NETO1: variants seen among roughly 807,000 people sequenced by gnomAD.
NETO1 encodes neuropilin and tolloid like 1, also known as neuropilin and tolloid-like protein 1.
NETO1 carries 26 observed loss-of-function variants against 61.3 expected under a neutral mutation model. The observed-to-expected ratio is 0.42, with a 90% CI of 0.31 to 0.59. NETO1 has a LOEUF of 0.59. NETO1 is among the 20% of genes least tolerant of loss of function. NETO1 has a pLI of 0.12. For synonymous variants in NETO1, 225 were observed against 225.8 expected (o/e 1.00, Z 0.03); for missense variants, 531 against 662.8 (o/e 0.80, Z 2.18).
intron 7 of NETO1, among the ~76,000 whole-genome samples, chr18:72,777,616 G>A (rs1226117743): frequency 6.6e-6 from 1 of 151,582 alleles, no homozygotes; most frequent in African/African-American, 2.4e-5. Context: ...GGTGGCGGGT[G>A]CCTGTAGTCC....
intron 7 of NETO1, among the ~76,000 whole-genome samples, chr18:72,780,359 G>C (rs1300833637): frequency 6.6e-6 from 1 of 152,148 alleles, no homozygotes; most frequent in Non-Finnish European, 1.5e-5. Context: ...ATGACTTCTA[G>C]AGATAATTTA....
At chr18:72,819,352 CT>C (rs2073123109) in intron 4 of NETO1, among the ~76,000 whole-genome samples, 1 of 152,090 alleles carries the variant, frequency 6.6e-6, no homozygotes, top group South Asian at 2.1e-4. Context: ...TCTGCCTTTC[CT>C]TGTGTTACAA....
At chr18:72,762,479 T>C (rs899287838) in intron 7 of NETO1, among the ~76,000 whole-genome samples, 2 of 152,154 alleles carry the variant, frequency 1.3e-5, no homozygotes, top group Admixed American at 6.5e-5. Context: ...TTTCCATATA[T>C]ACTTTTATGT....
At chr18:72,760,506 CT>C in intron 7 of NETO1, among the ~76,000 whole-genome samples, 1 of 152,284 alleles carries the variant, frequency 6.6e-6, no homozygotes, top group East Asian at 1.9e-4. Flanking sequence ...GGACAGATTG[CT>C]TCCTCGTGAG....
chr18:72,832,395 G>GT (rs916378279), intron 4 of NETO1, among the ~76,000 whole-genome samples: 3 of 152,036 alleles, frequency 2.0e-5, no homozygotes, highest in Admixed American at 6.5e-5. Context: ...TAAAGATCAA[G>GT]TTTTTTTCTT....
chr18:72,820,586 G>C (rs2073161403), intron 4 of NETO1, among the ~76,000 whole-genome samples: 1 of 152,240 alleles, frequency 6.6e-6, no homozygotes, highest in Non-Finnish European at 1.5e-5. Context: ...CTTGGCCGGG[G>C]GGTGATCTCT....
intron 7 of NETO1, among the ~76,000 whole-genome samples, chr18:72,758,765 G>T: frequency 6.6e-6 from 1 of 152,212 alleles, no homozygotes; most frequent in East Asian, 1.9e-4. Flanking sequence ...GAACCTGGGA[G>T]GTGGAGGTTG....
At chr18:72,840,626 C>T (rs779936764) in intron 4 of NETO1, among the ~76,000 whole-genome samples, 16 of 124,146 alleles carry the variant, frequency 1.3e-4, no homozygotes, top group Admixed American at 2.7e-4. Context: ...TTTGCTCCAA[C>T]AGGAAATTCA....
At chr18:72,790,737 T>A (rs2072086316) in intron 6 of NETO1, among the ~76,000 whole-genome samples, 1 of 152,122 alleles carries the variant, frequency 6.6e-6, no homozygotes, top group East Asian at 1.9e-4. Flanking sequence ...GATTAAGTCT[T>A]AATCCTGTTT....
At chr18:72,809,592 CTCT>C (rs1462848843) in intron 4 of NETO1, among the ~76,000 whole-genome samples, 1 of 152,162 alleles carries the variant, frequency 6.6e-6, no homozygotes. Flanking sequence ...GATTTCGAAC[CTCT>C]TCGATACATG....
rs1453152957 is a variant in NETO1, at chr18:72,778,973, G to C, written c.868+4705C>G. 4.6e-5 allele frequency among the ~76,000 whole-genome samples: 7 copies of C among 152,272 alleles called. No individual in the cohort carries two copies. In the South Asian group the frequency reaches 8.3e-4, roughly 18 times the overall value. ...CAAAATACCATAGACTAGATGGCTT[G>C]TAAACAACATTAAAAATTCCAACCT... On this transcript the variant is annotated intron_variant, in intron 7 of 10. Transcript: ENST00000327305.
chr18:72,822,907 T>C lies in NETO1; in HGVS notation c.470-28503A>G, dbSNP rs540542920. On this transcript the variant is annotated intron_variant, in intron 4 of 10. Coordinates refer to ENST00000327305, the MANE Select transcript of NETO1 (RefSeq NM_138966.5). ...TGTATATGTTTATATTGTACTCATA[T>C]CTATTGAGCACAAAGAACAGTGTGA... 9.8e-5 allele frequency among the ~76,000 whole-genome samples: 15 copies of C among 152,310 alleles called. No individual in the cohort carries two copies. The South Asian group carries it at 3.1e-3, about 32-fold the overall frequency.
chr18:72,750,172 G>A lies in NETO1; in HGVS notation c.1431C>T (p.Val477=), dbSNP rs1599079061. 2 of 1,614,036 alleles carry A rather than the reference G, an allele frequency of 1.2e-6. No homozygotes were observed. The highest frequency in any genetic ancestry group is 1.1e-5 in the South Asian group (1 of 91,072). ...CATCTTGCGAGTAGCTGTGTTTCAT[G>A]ACAAGGATATTTCTTCTGTTCATGG... ...IPPMNRRNIL[V]MKHSYSQDAA... is the part of the protein sequence containing the mutation. Residue 477 remains valine, a synonymous_variant, in exon 9 of 11, where the codon GTC becomes GTT. Transcript: ENST00000327305.
chr18:72,748,323 T>A (rs972802134), intron 10 of NETO1, 159 bp from the exon 11 acceptor site: 9 of 982,948 alleles, frequency 9.2e-6, no homozygotes, highest in Non-Finnish European at 1.1e-5. Flanking sequence ...TCAAGCAGAT[T>A]CAATTGGAGA....
intron 4 of NETO1, among the ~76,000 whole-genome samples, chr18:72,828,641 T>G (rs28505076): frequency 6.6e-6 from 1 of 152,124 alleles, no homozygotes; most frequent in Non-Finnish European, 1.5e-5. Flanking sequence ...GTATAATGTA[T>G]TCTACAAAAG....
chr18:72,836,347 T>C (rs2073749237), intron 4 of NETO1, among the ~76,000 whole-genome samples: 1 of 152,202 alleles, frequency 6.6e-6, no homozygotes, highest in South Asian at 2.1e-4. Flanking sequence ...ATAAGTTAGT[T>C]CAGGTACACT....
intron 4 of NETO1, among the ~76,000 whole-genome samples, chr18:72,828,535 T>C (rs992259223): frequency 6.6e-6 from 1 of 152,176 alleles, no homozygotes; most frequent in Non-Finnish European, 1.5e-5. Context: ...TTCAATAAAA[T>C]TTTTCAAACT....
intron 4 of NETO1, among the ~76,000 whole-genome samples, chr18:72,823,688 G>A (rs1388349309): frequency 6.6e-6 from 1 of 152,120 alleles, no homozygotes; most frequent in African/African-American, 2.4e-5. Flanking sequence ...TGTTCTTTAT[G>A]TTTTTCAATA....
chr18:72,752,958 T>C (rs1026883271), intron 8 of NETO1, among the ~76,000 whole-genome samples: 8 of 151,602 alleles, frequency 5.3e-5, no homozygotes, highest in Non-Finnish European at 1.0e-4. Context: ...AATAGTGCAA[T>C]ATGAAAATGA....
Sources: gnomAD v4.1 joint callset for allele counts (sites outside exome capture counted in the v4.1 genomes callset) on GRCh38, gnomAD v4.1.1 for gene constraint, MANE v1.5 for transcripts, NCBI Gene and HGNC (gene_info 2026-07-23, HGNC 2026-07-21) for gene names.